The following TMEM135 variants were observed in gnomAD, a reference collection of about 807,000 sequenced individuals.
The protein encoded by TMEM135 is peroxisomal membrane protein 52.
Under a neutral mutation model 60.3 loss-of-function variants are expected in TMEM135, and 30 were observed. The observed-to-expected ratio is 0.50, with a 90% CI of 0.37 to 0.68. TMEM135 has a LOEUF of 0.68. Among genes scored for constraint, TMEM135 ranks in the 30% least tolerant of loss-of-function variants. The pLI, the probability that TMEM135 is intolerant of heterozygous loss-of-function variation, is 0.00. For synonymous variants in TMEM135, 190 were observed against 186.7 expected (o/e 1.02, Z -0.14); for missense variants, 468 against 548.8 (o/e 0.85, Z 1.47).
intron 4 of TMEM135, among the ~76,000 whole-genome samples, chr11:87,135,984 A>G (rs1938087093): frequency 6.6e-6 from 1 of 151,936 alleles, no homozygotes; most frequent in South Asian, 2.1e-4. Context: ...AGTATTTAAT[A>G]TTTTTTAATG....
chr11:87,152,401 T>G (rs540304172), intron 4 of TMEM135, among the ~76,000 whole-genome samples: 68 of 152,196 alleles, frequency 4.5e-4, no homozygotes, highest in Non-Finnish European at 8.7e-4. Context: ...CTTGAGAAAT[T>G]GTTTACTCTT....
At position 87,309,606 on chromosome 11, in the gene TMEM135, T is replaced by C. The variant is rs1486196915; in HGVS notation, c.870T>C (p.Ser290=). 3.7e-6 allele frequency: 6 copies of C among 1,613,930 alleles called. No individual in the cohort carries two copies. The highest frequency in any genetic ancestry group is 5.1e-6 in the Non-Finnish European group (6 of 1,179,828). The part of the protein sequence containing the change: ...HLFTQPSRLL[S]LFYNKENFQL... ...TTACACAGCCATCTCGGCTACTTTC[T>C]CTCTTCTACAATAAAGAAAACTTCC... Residue 290 remains serine, a synonymous_variant, in exon 10 of 15, where the codon TCT becomes TCC. Coordinates refer to ENST00000305494, the MANE Select transcript of TMEM135 (RefSeq NM_022918.4).
chr11:87,302,917 C>G (rs1202996350), intron 8 of TMEM135, among the ~76,000 whole-genome samples: 1 of 152,122 alleles, frequency 6.6e-6, no homozygotes, highest in African/African-American at 2.4e-5. Context: ...TAAAAAGAAG[C>G]TATCATGTTT....
chr11:87,290,210 T>G (rs1321880927), intron 6 of TMEM135, among the ~76,000 whole-genome samples: 2 of 152,178 alleles, frequency 1.3e-5, no homozygotes, highest in Non-Finnish European at 2.9e-5. Flanking sequence ...GAGCACATAA[T>G]GAAGCAGCAC....
intron 4 of TMEM135, among the ~76,000 whole-genome samples, chr11:87,134,186 C>T (rs1237450882): frequency 6.6e-6 from 1 of 152,086 alleles, no homozygotes; most frequent in Admixed American, 6.6e-5. Flanking sequence ...AGGCCTCTTT[C>T]CTTAGCTTGT....
intron 1 of TMEM135, among the ~76,000 whole-genome samples, chr11:87,057,611 A>G (rs1949905733): frequency 6.6e-6 from 1 of 152,230 alleles, no homozygotes; most frequent in Non-Finnish European, 1.5e-5. Context: ...GATAGTGCAC[A>G]TATAAAAGCT....
intron 4 of TMEM135, among the ~76,000 whole-genome samples, chr11:87,152,281 A>C (rs1591059295): frequency 6.6e-6 from 1 of 151,582 alleles, no homozygotes. Context: ...ATACTCTTTT[A>C]TTTCCTTCTG....
intron 4 of TMEM135, among the ~76,000 whole-genome samples, chr11:87,124,036 G>A (rs1423126215): frequency 6.6e-6 from 1 of 152,174 alleles, no homozygotes; most frequent in East Asian, 1.9e-4. Flanking sequence ...GTTTCTCTGT[G>A]TGTAATGACT....
intron 6 of TMEM135, among the ~76,000 whole-genome samples, chr11:87,252,556 TGAGGTCAG>T (rs1275898168): frequency 3.3e-5 from 5 of 152,074 alleles, no homozygotes; most frequent in African/African-American, 1.2e-4. Context: ...GTAGATCACC[TGAGGTCAG>T]GAGTTTGAGA....
At chr11:87,246,202 A>G (rs1011475726) in intron 6 of TMEM135, among the ~76,000 whole-genome samples, 35 of 145,882 alleles carry the variant, frequency 2.4e-4, no homozygotes, top group African/African-American at 7.5e-4. Context: ...TGGCTTGTAG[A>G]GTTTCTGCCA....
At position 87,309,182 on chromosome 11, in the gene TMEM135, T is replaced by A. The variant is rs564719919; in HGVS notation, c.769-323T>A. Among the ~76,000 whole-genome samples the A allele has an allele frequency of 8.7e-4, 132 of 152,332 alleles. 1 individual carries two copies. The highest frequency in any genetic ancestry group is 3.0e-3 in the African/African-American group (124 of 41,582). The stretch of plus-strand genomic sequence containing the variant: ...TTTTGTATGTAAAACTCATTTGTGG[T>A]TTAGGAATTTAAAATCCTGATTATT... On this transcript the variant is annotated intron_variant, in intron 9 of 14. Transcript: ENST00000305494.
rs572365877 is a variant in TMEM135 at position 87,130,533 on chromosome 11, C to G, written c.397-26808C>G. On this transcript the variant is annotated intron_variant, in intron 4 of 14. Coordinates refer to ENST00000305494, the MANE Select transcript of TMEM135 (RefSeq NM_022918.4). ...TCCTTGTGTCCTGCCATCCCCTCTT[C>G]TTTCCCTACTGTCTTTTTCATGGGT... Among the ~76,000 whole-genome samples the G allele has an allele frequency of 1.8e-4, 27 of 152,314 alleles. No homozygotes were observed. The South Asian group carries it at 4.4e-3, about 25-fold the overall frequency.
chr11:87,183,135 A>ATTTT (rs772123636), intron 5 of TMEM135, among the ~76,000 whole-genome samples: 22 of 92,612 alleles, frequency 2.4e-4, no homozygotes, highest in East Asian at 1.2e-3. Context: ...GTAATCACTA[A>ATTTT]TTTTTTTTTT....
chr11:87,120,472 C>CTTTTTTTTTTTTTTTTTTTTTTT (rs541561365), intron 4 of TMEM135, among the ~76,000 whole-genome samples: 1 of 104,254 alleles, frequency 9.6e-6, no homozygotes, highest in African/African-American at 3.7e-5. Flanking sequence ...GATGAAATTT[C>CTTTTTTTTTTTTTTTTTTTTTTT]TTTTTTTTTT....
At chr11:87,127,245 C>G (rs942358404) in intron 4 of TMEM135, among the ~76,000 whole-genome samples, 2 of 152,138 alleles carry the variant, frequency 1.3e-5, no homozygotes, top group African/African-American at 4.8e-5. Context: ...TTAGTGTGAA[C>G]TAATCTAAGT....
chr11:87,116,847 A>C (rs1476701821), intron 4 of TMEM135, among the ~76,000 whole-genome samples: 1 of 151,424 alleles, frequency 6.6e-6, no homozygotes, highest in Non-Finnish European at 1.5e-5. Context: ...TTTTGACATG[A>C]AATTTCACTC....
At chr11:87,046,720 G>A (rs575078523) in intron 1 of TMEM135, among the ~76,000 whole-genome samples, 3 of 152,272 alleles carry the variant, frequency 2.0e-5, no homozygotes, top group African/African-American at 7.2e-5. Context: ...AGGTCGACGA[G>A]GGAGAGAGTT....
intron 5 of TMEM135, chr11:87,157,689 TG>T (rs1214335847): frequency 1.3e-5 from 4 of 302,366 alleles, no homozygotes; most frequent in Non-Finnish European, 2.4e-5. Context: ...ATGTTTGTAA[TG>T]AAAAAAAGAA....
chr11:87,110,148 C>T (rs561402664), intron 4 of TMEM135, among the ~76,000 whole-genome samples: 79 of 152,080 alleles, frequency 5.2e-4, no homozygotes, highest in African/African-American at 1.5e-3. Flanking sequence ...GTGGCAGTGT[C>T]GAAATTCCTC....
Sources: gnomAD v4.1 joint callset for allele counts (sites outside exome capture counted in the v4.1 genomes callset) on GRCh38, gnomAD v4.1.1 for gene constraint, MANE v1.5 for transcripts, NCBI Gene and HGNC (gene_info 2026-07-23, HGNC 2026-07-21) for gene names.